PDZRN3: variants seen among roughly 807,000 people sequenced by gnomAD.
PDZRN3 encodes the protein PDZ domain containing ring finger 3.
Under a neutral mutation model 85.7 loss-of-function variants are expected in PDZRN3, and 38 were observed. That is an observed-to-expected ratio of 0.44 (90% CI 0.34 to 0.58). The LOEUF is 0.58. Among genes scored for constraint, PDZRN3 ranks in the 20% least tolerant of loss-of-function variants. The pLI is 0.01. For synonymous variants in PDZRN3, 759 were observed against 638.0 expected (o/e 1.19, Z -2.86); for missense variants, 1,629 against 1,506.4 (o/e 1.08, Z -1.35).
At chr3:73,558,038 A>T (rs1053554582) in intron 3 of PDZRN3, among the ~76,000 whole-genome samples, 1 of 152,114 alleles carries the variant, frequency 6.6e-6, no homozygotes, top group Non-Finnish European at 1.5e-5. Flanking sequence ...GAAAATGCAT[A>T]ATTTTTACAT....
At chr3:73,485,219 C>T (rs1444361519) in intron 3 of PDZRN3, among the ~76,000 whole-genome samples, 1 of 151,752 alleles carries the variant, frequency 6.6e-6, no homozygotes, top group Admixed American at 6.6e-5. Context: ...GATAGACACA[C>T]ATAGCCCCAG....
At chr3:73,530,947 TCTTTA>T (rs1459989426) in intron 3 of PDZRN3, among the ~76,000 whole-genome samples, 1 of 152,140 alleles carries the variant, frequency 6.6e-6, no homozygotes, top group African/African-American at 2.4e-5. Flanking sequence ...TTTCTAATTA[TCTTTA>T]CTTTATCAAG....
chr3:73,563,015 T>A (rs9850210), intron 3 of PDZRN3, among the ~76,000 whole-genome samples: 630 of 19,392 alleles, frequency 0.032, 3 homozygotes, highest in Middle Eastern at 0.19. Context: ...ATATATATAT[T>A]TTTTTTTTTT....
chr3:73,504,034 T>C (rs912734214), intron 3 of PDZRN3, among the ~76,000 whole-genome samples: 3 of 152,216 alleles, frequency 2.0e-5, no homozygotes, highest in Admixed American at 6.5e-5. Flanking sequence ...TCACAGGGCA[T>C]GTGCTAGACA....
intron 3 of PDZRN3, among the ~76,000 whole-genome samples, chr3:73,507,074 T>G (rs1704081656): frequency 6.6e-6 from 1 of 152,244 alleles, no homozygotes; most frequent in Non-Finnish European, 1.5e-5. Flanking sequence ...AAAATATTGT[T>G]TGTGGAACAC....
chr3:73,551,190 A>C lies in PDZRN3; in HGVS notation c.918+51164T>G, dbSNP rs80063124. Among the ~76,000 whole-genome samples the C allele has an allele frequency of 4.1e-3, 623 of 152,302 alleles. 9 individuals are homozygous for C. The highest frequency in any genetic ancestry group is 0.014 in the African/African-American group (590 of 41,568). On this transcript the variant is annotated intron_variant, in intron 3 of 9. Coordinates refer to ENST00000263666, the MANE Select transcript of PDZRN3 (RefSeq NM_015009.3). Reference sequence around the variant, plus strand: ...TTTGTCACTCCTGTTGTGGCTTATTAAGAAAATGTATTTTTTTGAGAGGTG... The same window carrying C: ...TTTGTCACTCCTGTTGTGGCTTATTCAGAAAATGTATTTTTTTGAGAGGTG...
intron 3 of PDZRN3, among the ~76,000 whole-genome samples, chr3:73,529,114 A>C (rs1397515325): frequency 6.6e-6 from 1 of 152,190 alleles, no homozygotes; most frequent in African/African-American, 2.4e-5. Context: ...ACCGGGGTCC[A>C]TGTGGGCAAA....
At chr3:73,513,811 T>C (rs1384126575) in intron 3 of PDZRN3, among the ~76,000 whole-genome samples, 4 of 152,232 alleles carry the variant, frequency 2.6e-5, no homozygotes, top group Admixed American at 1.3e-4. Context: ...TGTTCTTGGA[T>C]GAATTTTTAT....
chr3:73,429,957 G>C (rs1230006619), intron 3 of PDZRN3, among the ~76,000 whole-genome samples: 1 of 152,158 alleles, frequency 6.6e-6, no homozygotes, highest in African/African-American at 2.4e-5. Flanking sequence ...GAGACACCAA[G>C]GTCTTTATGT....
intron 3 of PDZRN3, among the ~76,000 whole-genome samples, chr3:73,550,469 A>C (rs1691729938): frequency 6.6e-6 from 1 of 152,214 alleles, no homozygotes; most frequent in Non-Finnish European, 1.5e-5. Context: ...GAAATCTCTA[A>C]GGCAGGGCCC....
At chr3:73,519,482 TGTTTCAA>T (rs1704314171) in intron 3 of PDZRN3, among the ~76,000 whole-genome samples, 1 of 152,250 alleles carries the variant, frequency 6.6e-6, no homozygotes, top group African/African-American at 2.4e-5. Flanking sequence ...TAATCTGTAC[TGTTTCAA>T]GTTCTTCCAC....
intron 2 of PDZRN3, among the ~76,000 whole-genome samples, chr3:73,606,576 C>T (rs147144943): frequency 2.5e-4 from 38 of 152,192 alleles, no homozygotes; most frequent in East Asian, 1.2e-3. Flanking sequence ...CAACCTCACG[C>T]GGTTCTATAG....
chr3:73,391,206 G>T, intron 5 of PDZRN3, 90 bp from the exon 6 acceptor site: 1 of 822,092 alleles, frequency 1.2e-6, no homozygotes, highest in Non-Finnish European at 2.1e-6. Flanking sequence ...ATCTTCAAAT[G>T]AGGAACTGGA....
intron 3 of PDZRN3, among the ~76,000 whole-genome samples, chr3:73,584,222 T>C (rs1023417142): frequency 1.3e-5 from 2 of 152,168 alleles, no homozygotes; most frequent in East Asian, 3.8e-4. Context: ...GGCATCCTTG[T>C]TACAGGAGCA....
chr3:73,399,264 C>A, intron 5 of PDZRN3, among the ~76,000 whole-genome samples: 1 of 152,208 alleles, frequency 6.6e-6, no homozygotes, highest in Admixed American at 6.5e-5. Flanking sequence ...GCCACAATTA[C>A]ATCATCAAAA....
intron 2 of PDZRN3, among the ~76,000 whole-genome samples, chr3:73,603,870 A>AACACACAC (rs71625943): frequency 0.01 from 1,119 of 110,388 alleles, 11 homozygotes; most frequent in African/African-American, 0.031. Flanking sequence ...CACTTCCCCA[A>AACACACAC]ACACACACAC....
chr3:73,408,970 A>G (rs551824531), intron 3 of PDZRN3, among the ~76,000 whole-genome samples: 2 of 152,356 alleles, frequency 1.3e-5, no homozygotes, highest in Admixed American at 6.5e-5. Flanking sequence ...GTCAAATTCA[A>G]TATCATTAAC....
chr3:73,470,757 G>A (rs538365655), intron 3 of PDZRN3, among the ~76,000 whole-genome samples: 1 of 152,264 alleles, frequency 6.6e-6, no homozygotes, highest in South Asian at 2.1e-4. Flanking sequence ...AAGTCTACAT[G>A]CAGGACCCAA....
At chr3:73,546,945 A>G (rs1476745808) in intron 3 of PDZRN3, among the ~76,000 whole-genome samples, 1 of 151,964 alleles carries the variant, frequency 6.6e-6, no homozygotes, top group Non-Finnish European at 1.5e-5. Context: ...TGAGGTGAGA[A>G]CTCCCAGGTC....
Sources: gnomAD v4.1 joint callset for allele counts (sites outside exome capture counted in the v4.1 genomes callset) on GRCh38, gnomAD v4.1.1 for gene constraint, MANE v1.5 for transcripts, NCBI Gene and HGNC (gene_info 2026-07-23, HGNC 2026-07-21) for gene names.